SASH3: variants seen among roughly 807,000 people sequenced by gnomAD.
The protein encoded by SASH3 is SAM and SH3 domain-containing protein 3.
Under a neutral mutation model 26.1 loss-of-function variants are expected in SASH3, and 7 were observed. That is an observed-to-expected ratio of 0.27 (90% CI 0.15 to 0.50). The LOEUF is 0.50. SASH3 is among the 20% of genes least tolerant of loss of function. The probability of loss-of-function intolerance (pLI) is 0.98; values close to 1 mark genes in which losing one functional copy is unlikely to be tolerated. For synonymous variants in SASH3, 138 were observed against 136.8 expected, an observed-to-expected ratio of 1.01 and a Z score of -0.06; for missense variants, 231 against 318.3, an observed-to-expected ratio of 0.73 and a Z score of 2.09.
intron 1 of SASH3, among the ~76,000 whole-genome samples, chrX:129,782,708 C>G (rs746910636): frequency 5.1e-4 from 57 of 111,906 alleles, no homozygotes; most frequent in Non-Finnish European, 9.6e-4. Flanking sequence ...AAGATTCAAC[C>G]CATCAGCAGG....
chrX:129,793,606 C>G, intron 7 of SASH3, 36 bp from the exon 8 acceptor site: 1 of 1,191,185 alleles, frequency 8.4e-7, no homozygotes, highest in Non-Finnish European at 1.1e-6. Flanking sequence ...CCTACCTCCA[C>G]CCCCATATTC....
intron 3 of SASH3, 93 bp downstream of exon 3, chrX:129,788,670 C>G (rs751190880): frequency 2.1e-6 from 2 of 936,441 alleles, no homozygotes; most frequent in South Asian, 2.4e-5. Context: ...AGCCACTACT[C>G]AGGCCGGAAG....
At chrX:129,788,137 G>GGGGGGGGGGGGGGGGGGGGGGGC in intron 2 of SASH3, 67 bp downstream of exon 2, 1 of 354,271 alleles carries the variant, frequency 2.8e-6, no homozygotes, top group Non-Finnish European at 5.4e-6. Context: ...GGGTGGGAGG[G>GGGGGGGGGGGGGGGGGGGGGGGC]AAGAGGGTGA....
chrX:129,788,192 G>T (rs1927144464), intron 2 of SASH3, 122 bp downstream of exon 2: 1 of 580,275 alleles, frequency 1.7e-6, no homozygotes. Flanking sequence ...TAACACAGAG[G>T]GTCCACCTCT....
intron 3 of SASH3, among the ~76,000 whole-genome samples, chrX:129,789,462 G>A (rs970978716): frequency 2.7e-5 from 3 of 110,274 alleles, no homozygotes; most frequent in Non-Finnish European, 3.8e-5. Context: ...GCAAAATCCC[G>A]TCTCTACTAA....
At chrX:129,791,232 A>G in intron 4 of SASH3, 151 bp downstream of exon 4, 2 of 561,697 alleles carry the variant, frequency 3.6e-6, no homozygotes, top group South Asian at 6.4e-5. Context: ...TTCACATTAA[A>G]TCTTCTCAAC....
Position 129,790,981 on chromosome X carries a change from A to G in SASH3, c.342A>G (p.Pro114=), listed in dbSNP as rs1055251613. 8.3e-7 allele frequency: 1 copy of G among 1,211,381 alleles called. No homozygotes were observed. Among genetic ancestry groups the G allele is most frequent in the South Asian group, 1.8e-5 (1 of 56,978 alleles). Residue 114 remains proline, a synonymous_variant, in exon 4 of 8, where the codon CCA becomes CCG. Transcript: ENST00000356892. ...AGGGCTCTGCCTCCCCGACATCTCCAGACTACAGCCTGGACAGCCCTGGCC... is the reference window on the plus strand; with the variant it reads ...AGGGCTCTGCCTCCCCGACATCTCCGGACTACAGCCTGGACAGCCCTGGCC... ...LEEGSASPTS[P]DYSLDSPGPE...
At chrX:129,789,920 A>G (rs947483418) in intron 3 of SASH3, among the ~76,000 whole-genome samples, 3 of 111,968 alleles carry the variant, frequency 2.7e-5, no homozygotes, top group African/African-American at 6.5e-5. Flanking sequence ...AAAGAAACTT[A>G]CAATTCAGTT....
At chrX:129,785,677 G>A (rs1157465670) in intron 1 of SASH3, among the ~76,000 whole-genome samples, 1 of 112,284 alleles carries the variant, frequency 8.9e-6, no homozygotes, top group African/African-American at 3.2e-5. Context: ...CAACAAAGCC[G>A]ACTTCCGGCC....
chrX:129,789,107 A>AAAAAAG (rs1158041466), intron 3 of SASH3, among the ~76,000 whole-genome samples: 1 of 81,282 alleles, frequency 1.2e-5, no homozygotes, highest in Non-Finnish European at 2.1e-5. Context: ...GTCTCAAAAA[A>AAAAAAG]AAAAAGAAAG....
intron 1 of SASH3, among the ~76,000 whole-genome samples, chrX:129,783,850 G>A (rs1221998809): frequency 2.7e-5 from 3 of 111,604 alleles, no homozygotes; most frequent in African/African-American, 9.8e-5. Flanking sequence ...TGCTGGCTGG[G>A]GCAGTGTGGA....
intron 1 of SASH3, among the ~76,000 whole-genome samples, chrX:129,787,538 C>T (rs1927130614): frequency 9.0e-6 from 1 of 111,641 alleles, no homozygotes; most frequent in South Asian, 3.7e-4. Flanking sequence ...CAGAGTACAC[C>T]CAGGACATGG....
At chrX:129,788,153 A>T in intron 2 of SASH3, 83 bp downstream of exon 2, 3 of 760,792 alleles carry the variant, frequency 3.9e-6, no homozygotes, top group Admixed American at 6.0e-5. Context: ...GGTGAAGAGG[A>T]GATAGAATTG....
rs778223327 is a variant in SASH3 at position 129,781,623 on chromosome X, TG to T, written c.57+1472del. Among the ~76,000 whole-genome samples the T allele has an allele frequency of 7.1e-5, 8 of 112,535 alleles. No individual in the cohort carries two copies. In the South Asian group the frequency reaches 1.8e-3, roughly 25 times the overall value. ...TGAGAAAGAGCTGACACTTTGACACTGGGACCCTGTGCCACATCAGGAAGAC... is the reference window on the plus strand; with the variant it reads ...TGAGAAAGAGCTGACACTTTGACACTGGACCCTGTGCCACATCAGGAAGAC... On this transcript the variant is annotated intron_variant, in intron 1 of 7. Coordinates refer to ENST00000356892, the MANE Select transcript of SASH3 (RefSeq NM_018990.4).
rs750490550 is a variant in SASH3, at chrX:129,788,409, A to G, written c.154-22A>G. 14 of 1,209,012 alleles carry G rather than the reference A, an allele frequency of 1.2e-5. No homozygotes were observed. The Admixed American group carries it at 2.6e-4, about 23-fold the overall frequency. On this transcript the variant is annotated intron_variant, in intron 2 of 7. Transcript: ENST00000356892. ...TAGGCAGGACCACCAGGGTCCCTGGATCGCCTCTTTTGTTGTCACAGATTC... is the reference window on the plus strand; with the variant it reads ...TAGGCAGGACCACCAGGGTCCCTGGGTCGCCTCTTTTGTTGTCACAGATTC...
intron 1 of SASH3, among the ~76,000 whole-genome samples, chrX:129,786,468 G>C (rs181338879): frequency 9.0e-6 from 1 of 110,632 alleles, no homozygotes; most frequent in Non-Finnish European, 1.9e-5. Context: ...AACCTTCAAC[G>C]TTGTGTGGGT....
intron 1 of SASH3, among the ~76,000 whole-genome samples, chrX:129,781,280 G>A (rs769843748): frequency 2.7e-5 from 3 of 111,950 alleles, no homozygotes; most frequent in African/African-American, 9.8e-5. Context: ...GGGCAGTGGG[G>A]TGTGCATCCT....
intron 3 of SASH3, among the ~76,000 whole-genome samples, chrX:129,790,341 AAC>A (rs759289118): frequency 1.1e-4 from 12 of 110,375 alleles, no homozygotes; most frequent in Non-Finnish European, 1.7e-4. Context: ...CCAGCTGTTA[AAC>A]AGTTATCACC....
chrX:129,781,208 T>C (rs776785946), intron 1 of SASH3, among the ~76,000 whole-genome samples: 1 of 111,768 alleles, frequency 8.9e-6, no homozygotes, highest in Non-Finnish European at 1.9e-5. Context: ...CTATGGTGGA[T>C]CCCCCTTGTC....
Sources: allele counts gnomAD v4.1 joint callset (sites outside exome capture counted in the v4.1 genomes callset), GRCh38; gene constraint gnomAD v4.1.1; transcripts MANE v1.5; gene names NCBI Gene and HGNC (gene_info 2026-07-23, HGNC 2026-07-21).